The following ADAMTSL3 variants were observed in gnomAD, a reference collection of about 807,000 sequenced individuals.
ADAMTSL3 encodes ADAMTS-like protein 3.
Under a neutral mutation model 201.7 loss-of-function variants are expected in ADAMTSL3, and 128 were observed. The ratio of observed to expected loss-of-function variants is 0.63; its 90% CI spans 0.55 to 0.73. The LOEUF is 0.73. ADAMTSL3 is among the 30% of genes least tolerant of loss of function. The pLI, the probability that ADAMTSL3 is intolerant of heterozygous loss-of-function variation, is 0.00. For missense variants in ADAMTSL3, 1,990 were observed against 2,119.6 expected, an observed-to-expected ratio of 0.94 and a Z score of 1.20; for synonymous variants, 738 against 748.4, an observed-to-expected ratio of 0.99 and a Z score of 0.23.
At chr15:83,688,989 G>T (rs2061576387) in intron 2 of ADAMTSL3, among the ~76,000 whole-genome samples, 2 of 151,554 alleles carry the variant, frequency 1.3e-5, no homozygotes, top group African/African-American at 4.9e-5. Context: ...TTTTGTTTTT[G>T]TTTTTGCATT....
At chr15:83,739,970 C>G in intron 3 of ADAMTSL3, 1 of 487,958 alleles carries the variant, frequency 2.0e-6, no homozygotes, top group South Asian at 1.7e-5. Context: ...AAGCATGTGA[C>G]CAGGGCAGTG....
chr15:84,031,225 C>T (rs2068403059), intron 27 of ADAMTSL3, 110 bp from the exon 28 acceptor site: 2 of 1,057,640 alleles, frequency 1.9e-6, no homozygotes, highest in African/African-American at 1.6e-5. Context: ...CAGTTGGTTA[C>T]AGTCCCCTTG....
At chr15:83,729,206 T>C (rs2062227076) in intron 3 of ADAMTSL3, among the ~76,000 whole-genome samples, 1 of 152,104 alleles carries the variant, frequency 6.6e-6, no homozygotes, top group Non-Finnish European at 1.5e-5. Context: ...CTTGGGAGTT[T>C]GATTATTAAA....
At chr15:83,877,982 G>T (rs1434829274) in intron 9 of ADAMTSL3, among the ~76,000 whole-genome samples, 1 of 152,020 alleles carries the variant, frequency 6.6e-6, no homozygotes, top group Non-Finnish European at 1.5e-5. Context: ...GTATACGTAC[G>T]CAATTGTGAC....
chr15:83,875,327 GCCTTCAGTAC>G (rs1221989695), intron 9 of ADAMTSL3, among the ~76,000 whole-genome samples: 1 of 152,226 alleles, frequency 6.6e-6, no homozygotes, highest in African/African-American at 2.4e-5. Flanking sequence ...GAATGGCTCT[GCCTTCAGTAC>G]CCTTGCTGTG....
chr15:83,907,363 A>G (rs1188619390), intron 15 of ADAMTSL3, among the ~76,000 whole-genome samples: 2 of 152,202 alleles, frequency 1.3e-5, no homozygotes, highest in Non-Finnish European at 2.9e-5. Context: ...TGATTTCTCC[A>G]GGTTTAAAAT....
At chr15:83,760,697 G>C (rs577640919) in intron 3 of ADAMTSL3, among the ~76,000 whole-genome samples, 5 of 152,100 alleles carry the variant, frequency 3.3e-5, no homozygotes, top group African/African-American at 1.2e-4. Context: ...TTTAGAATTT[G>C]TTCCATCCTA....
chr15:83,666,321 TTTG>T (rs1394617540), intron 2 of ADAMTSL3, among the ~76,000 whole-genome samples: 1 of 152,214 alleles, frequency 6.6e-6, no homozygotes, highest in African/African-American at 2.4e-5. Context: ...CAAAGAAATG[TTTG>T]TTAAGACACA....
At chr15:83,663,170 T>C (rs2061199379) in intron 2 of ADAMTSL3, among the ~76,000 whole-genome samples, 1 of 152,186 alleles carries the variant, frequency 6.6e-6, no homozygotes, top group African/African-American at 2.4e-5. Flanking sequence ...CTGCCTCCTC[T>C]CTCTGTCCTG....
At chr15:83,959,237 C>T (rs11855613) in intron 19 of ADAMTSL3, among the ~76,000 whole-genome samples, 42,482 of 151,870 alleles carry the variant, frequency 0.28, 6,234 homozygotes, top group African/African-American at 0.33. Context: ...ACCAGCCTGG[C>T]CAACATGGTG....
At chr15:84,026,959 G>A (rs1464316761) in intron 27 of ADAMTSL3, among the ~76,000 whole-genome samples, 1 of 152,056 alleles carries the variant, frequency 6.6e-6, no homozygotes, top group East Asian at 1.9e-4. Context: ...TGCTGCAAAG[G>A]AAACCATCAA....
chr15:84,001,132 T>C (rs757117953), intron 23 of ADAMTSL3, among the ~76,000 whole-genome samples: 1 of 152,212 alleles, frequency 6.6e-6, no homozygotes, highest in Non-Finnish European at 1.5e-5. Flanking sequence ...ACTCAAGATA[T>C]TAAGCTGACG....
intron 22 of ADAMTSL3, among the ~76,000 whole-genome samples, chr15:83,989,104 G>T (rs562921789): frequency 6.6e-6 from 1 of 152,034 alleles, no homozygotes; most frequent in Admixed American, 6.6e-5. Context: ...GGATGGTCTC[G>T]ATCTCCTGAC....
intron 17 of ADAMTSL3, among the ~76,000 whole-genome samples, chr15:83,936,916 C>T (rs1180221709): frequency 2.0e-5 from 3 of 150,918 alleles, no homozygotes; most frequent in Non-Finnish European, 4.4e-5. Flanking sequence ...AAAACATGCT[C>T]AACATCACTA....
chr15:84,010,168 A>T (rs2067981982), intron 23 of ADAMTSL3, among the ~76,000 whole-genome samples: 1 of 152,238 alleles, frequency 6.6e-6, no homozygotes, highest in Admixed American at 6.5e-5. Context: ...ATAAATGTCG[A>T]TTTATACTCA....
At chr15:83,823,958 CTTCTTCTT>C (rs2063951817) in intron 6 of ADAMTSL3, among the ~76,000 whole-genome samples, 8 of 88,952 alleles carry the variant, frequency 9.0e-5, no homozygotes, top group Admixed American at 7.9e-4. Context: ...TCTTCTTCTT[CTTCTTCTT>C]CTTCTTCTCC....
intron 5 of ADAMTSL3, among the ~76,000 whole-genome samples, chr15:83,814,318 C>T (rs550660642): frequency 6.6e-6 from 1 of 152,274 alleles, no homozygotes; most frequent in Non-Finnish European, 1.5e-5. Context: ...TCCTAAAATG[C>T]CATCTTTTAT....
At chr15:83,826,667 C>G (rs537510741) in intron 6 of ADAMTSL3, among the ~76,000 whole-genome samples, 199 of 129,222 alleles carry the variant, frequency 1.5e-3, no homozygotes, top group Admixed American at 4.3e-3. Flanking sequence ...CCCCTCCCCC[C>G]ACCCCACAAC....
intron 2 of ADAMTSL3, among the ~76,000 whole-genome samples, chr15:83,681,788 C>T (rs781441976): frequency 5.3e-5 from 8 of 152,124 alleles, no homozygotes. Flanking sequence ...TGAAGGTGTT[C>T]CCGTCTCCCC....
Sources: allele counts gnomAD v4.1 joint callset (sites outside exome capture counted in the v4.1 genomes callset), GRCh38; gene constraint gnomAD v4.1.1; transcripts MANE v1.5; gene names NCBI Gene and HGNC (gene_info 2026-07-23, HGNC 2026-07-21).